PDE8A: variants seen among roughly 807,000 people sequenced by gnomAD.
PDE8A encodes the protein phosphodiesterase 8A.
A neutral mutation model predicts 105.0 loss-of-function variants in PDE8A; 59 were observed. That is an observed-to-expected ratio of 0.56 (90% CI 0.46 to 0.70). The LOEUF is 0.70. PDE8A is among the 30% of genes least tolerant of loss of function. The pLI is 0.00. For missense variants in PDE8A, 1,014 were observed against 1,045.9 expected (o/e 0.97, Z 0.42); for synonymous variants, 355 against 371.9 (o/e 0.95, Z 0.52).
At chr15:85,019,843 G>T (rs2080391566) in intron 1 of PDE8A, among the ~76,000 whole-genome samples, 1 of 151,504 alleles carries the variant, frequency 6.6e-6, no homozygotes, top group Non-Finnish European at 1.5e-5. Flanking sequence ...GCCTCACAAA[G>T]TGCTGGAATT....
chr15:85,127,383 T>G (rs1280965562), intron 20 of PDE8A, among the ~76,000 whole-genome samples: 1 of 152,206 alleles, frequency 6.6e-6, no homozygotes, highest in African/African-American at 2.4e-5. Context: ...ATACATTTGC[T>G]TCTGTTTGCA....
At chr15:85,105,109 G>C (rs2081928321) in intron 11 of PDE8A, among the ~76,000 whole-genome samples, 1 of 152,106 alleles carries the variant, frequency 6.6e-6, no homozygotes, top group Non-Finnish European at 1.5e-5. Context: ...GACAGGCTCT[G>C]GTTCTTGTTC....
intron 1 of PDE8A, among the ~76,000 whole-genome samples, chr15:85,040,562 ATTTTTT>A (rs535874533): frequency 1.5e-5 from 2 of 132,956 alleles, no homozygotes; most frequent in South Asian, 4.7e-4. Context: ...GTGCTTATGT[ATTTTTT>A]TTTTTTTTTT....
intron 1 of PDE8A, among the ~76,000 whole-genome samples, chr15:85,024,858 G>A (rs988217225): frequency 3.3e-5 from 5 of 152,296 alleles, no homozygotes; most frequent in Middle Eastern, 3.4e-3. Flanking sequence ...TGCTGTTGTG[G>A]TTGTTAGTCA....
At chr15:85,104,953 T>C (rs193128265) in intron 11 of PDE8A, among the ~76,000 whole-genome samples, 4 of 152,220 alleles carry the variant, frequency 2.6e-5, no homozygotes, top group East Asian at 3.9e-4. Flanking sequence ...TTGCAAGATA[T>C]GTTTCTATCT....
At chr15:85,118,936 C>A (rs1021661185) in intron 17 of PDE8A, among the ~76,000 whole-genome samples, 1 of 152,190 alleles carries the variant, frequency 6.6e-6, no homozygotes, top group Admixed American at 6.5e-5. Flanking sequence ...TTCCGTGCTC[C>A]CTCTGGTTCT....
chr15:84,992,891 G>A (rs565201533), intron 1 of PDE8A, among the ~76,000 whole-genome samples: 30 of 152,274 alleles, frequency 2.0e-4, no homozygotes, highest in African/African-American at 6.0e-4. Flanking sequence ...GTGGAAAGGA[G>A]GGATTTTATT....
At chr15:85,075,599 A>G (rs2081369330) in intron 3 of PDE8A, among the ~76,000 whole-genome samples, 1 of 152,218 alleles carries the variant, frequency 6.6e-6, no homozygotes, top group African/African-American at 2.4e-5. Context: ...AAAGATCAGA[A>G]CAAGTAGAAT....
chr15:85,050,778 GT>G (rs1276110235), intron 1 of PDE8A, among the ~76,000 whole-genome samples: 1 of 152,092 alleles, frequency 6.6e-6, no homozygotes, highest in Non-Finnish European at 1.5e-5. Context: ...TTTCAGGATT[GT>G]TTTGGCTATT....
At chr15:84,997,348 C>A (rs1267539934) in intron 1 of PDE8A, among the ~76,000 whole-genome samples, 1 of 151,948 alleles carries the variant, frequency 6.6e-6, no homozygotes, top group Non-Finnish European at 1.5e-5. Context: ...TGTGCACCAC[C>A]ATGCCTGGCT....
chr15:85,080,180 G>T (rs2081442955), intron 5 of PDE8A, among the ~76,000 whole-genome samples: 2 of 152,148 alleles, frequency 1.3e-5, no homozygotes, highest in African/African-American at 4.8e-5. Flanking sequence ...TATATAAAAA[G>T]CACACATTAG....
At chr15:85,075,732 C>G (rs1233852462) in intron 3 of PDE8A, 130 bp from the exon 4 acceptor site, 4 of 555,608 alleles carry the variant, frequency 7.2e-6, no homozygotes, top group Non-Finnish European at 1.3e-5. Context: ...TGAGTGAATT[C>G]AGAGAGTGAG....
intron 20 of PDE8A, among the ~76,000 whole-genome samples, chr15:85,127,701 T>C (rs2082276694): frequency 6.6e-6 from 1 of 152,216 alleles, no homozygotes; most frequent in Admixed American, 6.5e-5. Context: ...AGGCATATCA[T>C]GTTCACATAC....
At chr15:85,113,241 A>G in intron 12 of PDE8A, 136 bp from the exon 13 acceptor site, 1 of 744,776 alleles carries the variant, frequency 1.3e-6, no homozygotes, top group Non-Finnish European at 2.4e-6. Flanking sequence ...CAGGCTTGTT[A>G]GGATGGGAAG....
intron 1 of PDE8A, among the ~76,000 whole-genome samples, chr15:85,019,769 G>A (rs1190316785): frequency 6.6e-6 from 1 of 151,762 alleles, no homozygotes; most frequent in Non-Finnish European, 1.5e-5. Context: ...TAGTAGAGAC[G>A]AGGTTTCACT....
intron 1 of PDE8A, among the ~76,000 whole-genome samples, chr15:84,990,935 T>C (rs1056588253): frequency 1.3e-5 from 2 of 152,254 alleles, no homozygotes; most frequent in African/African-American, 4.8e-5. Context: ...CTGGTGGGTG[T>C]GTAGTGGTAT....
At chr15:85,085,524 C>A (rs35845738) in intron 6 of PDE8A, among the ~76,000 whole-genome samples, 2 of 151,788 alleles carry the variant, frequency 1.3e-5, no homozygotes, top group South Asian at 4.2e-4. Flanking sequence ...ATGGCGAAAC[C>A]CTGTCTCTAT....
chr15:84,992,070 T>C (rs1316712858), intron 1 of PDE8A, among the ~76,000 whole-genome samples: 1 of 152,146 alleles, frequency 6.6e-6, no homozygotes, highest in African/African-American at 2.4e-5. Flanking sequence ...TTCAGGCAAA[T>C]AAAGTTTATT....
chr15:85,096,450 C>A (rs767546139), intron 8 of PDE8A, among the ~76,000 whole-genome samples: 1 of 152,076 alleles, frequency 6.6e-6, no homozygotes. Context: ...ATGGCGAGAA[C>A]CTGTCTCAAA....
Sources: allele counts gnomAD v4.1 joint callset (sites outside exome capture counted in the v4.1 genomes callset), GRCh38; gene constraint gnomAD v4.1.1; transcripts MANE v1.5; gene names NCBI Gene and HGNC (gene_info 2026-07-23, HGNC 2026-07-21).